The following RRM2 variants were observed in gnomAD, a reference collection of about 807,000 sequenced individuals.
RRM2 encodes the protein ribonucleoside-diphosphate reductase subunit M2.
In RRM2, 6 loss-of-function variants were observed where a neutral mutation model predicts 45.9. That is an observed-to-expected ratio of 0.13 (90% CI 0.07 to 0.26). The LOEUF is 0.26. Among genes scored for constraint, RRM2 ranks in the 10% least tolerant of loss-of-function variants. The pLI is 1.00. For synonymous variants in RRM2, 177 were observed against 173.0 expected (o/e 1.02, Z -0.18); for missense variants, 343 against 489.5 (o/e 0.70, Z 2.82).
At chr2:10,126,603 T>C (rs1048295592) in intron 5 of RRM2, 3 of 441,876 alleles carry the variant, frequency 6.8e-6, no homozygotes, top group African/African-American at 4.0e-5. Context: ...TACTGGACTA[T>C]GTTTTACTGT....
intron 3 of RRM2, among the ~76,000 whole-genome samples, chr2:10,177,028 C>T (rs1282824904): frequency 1.3e-5 from 2 of 152,058 alleles, no homozygotes; most frequent in African/African-American, 4.8e-5. Flanking sequence ...GGTGGATCAC[C>T]TGAGGTCAGG....
At chr2:10,175,851 C>T (rs541911841) in intron 3 of RRM2, among the ~76,000 whole-genome samples, 16 of 152,280 alleles carry the variant, frequency 1.1e-4, no homozygotes, top group African/African-American at 3.8e-4. Context: ...AGTGATCCAC[C>T]TGCCTCAGCC....
At chr2:10,123,266 C>A in intron 2 of RRM2, 121 bp from the exon 3 acceptor site, 1 of 1,349,358 alleles carries the variant, frequency 7.4e-7, no homozygotes, top group Non-Finnish European at 9.9e-7. Flanking sequence ...TGCGACGGGA[C>A]AGCCACGTTT....
upstream of RRM2, chr2:10,122,681 A>G (rs1321375500): frequency 2.6e-6 from 4 of 1,550,364 alleles, no homozygotes; most frequent in Admixed American, 7.8e-5. Context: ...AGCCAATGGG[A>G]AGGGCCGGGA....
intron 3 of RRM2, among the ~76,000 whole-genome samples, chr2:10,183,050 G>A (rs1329996319): frequency 2.6e-5 from 4 of 152,000 alleles, no homozygotes; most frequent in Admixed American, 6.6e-5. Context: ...ATGGTGGCGC[G>A]TACCCAGCTA....
At chr2:10,170,429 C>T (rs1220239241) in intron 3 of RRM2, among the ~76,000 whole-genome samples, 2 of 151,960 alleles carry the variant, frequency 1.3e-5, no homozygotes, top group Non-Finnish European at 2.9e-5. Flanking sequence ...GGCGCTGGAA[C>T]CAGGGGGGAA....
In RRM2 at chr2:10,123,953, T is replaced by A. The variant is rs1362345405; in HGVS notation, c.435+101T>A. Reference sequence around the variant, plus strand: ...TATGTTTTTCCATGCTGAGTGCATCTGTGTGTGTAAGCTGGGTTTTATATT... The same window carrying A: ...TATGTTTTTCCATGCTGAGTGCATCAGTGTGTGTAAGCTGGGTTTTATATT... On this transcript the variant is annotated intron_variant, in intron 4 of 9. Coordinates refer to ENST00000304567, the MANE Select transcript of RRM2 (RefSeq NM_001034.4). 55 of 735,406 alleles carry A rather than the reference T, an allele frequency of 7.5e-5. No individual in the cohort carries two copies. In the Middle Eastern group the frequency reaches 4.3e-3, roughly 57 times the overall value. The allele number at this position is 735,406 out of a possible 1,614,324, so 45.6% of individuals were successfully genotyped here. A position where few individuals can be genotyped will look rare whatever the true frequency, so the allele number is the denominator to read the frequency against.
At position 10,180,247 on chromosome 2, in the gene RRM2, C is replaced by T. The variant is rs141797777; in HGVS notation, n.483-30064C>T. 2.3e-3 allele frequency among the ~76,000 whole-genome samples: 349 copies of T among 152,334 alleles called. 4 individuals are homozygous for T. The highest frequency in any genetic ancestry group is 8.0e-3 in the African/African-American group (331 of 41,576). ...ACCTCTTCGTCCTGGGGGAAGCTGG[C>T]TTGGTCTGGTGAAGACTTGTTCACT... On this transcript the variant is annotated intron_variant and non_coding_transcript_variant, in intron 3 of 3. Transcript: ENST00000381786.
chr2:10,157,627 C>T (rs947581026), intron 3 of RRM2, among the ~76,000 whole-genome samples: 1 of 152,192 alleles, frequency 6.6e-6, no homozygotes, highest in East Asian at 1.9e-4. Flanking sequence ...CTTGACTCAA[C>T]ATTATGCTTG....
At chr2:10,151,401 G>C (rs1361078099) in intron 3 of RRM2, among the ~76,000 whole-genome samples, 1 of 150,786 alleles carries the variant, frequency 6.6e-6, no homozygotes. Flanking sequence ...TGGTTCAAGC[G>C]ATTCTCCTGC....
chr2:10,199,809 A>AAAAAG, intron 3 of RRM2, among the ~76,000 whole-genome samples: 1 of 150,644 alleles, frequency 6.6e-6, no homozygotes, highest in African/African-American at 2.5e-5. Flanking sequence ...AAAAAAAAAA[A>AAAAAG]CAAATCATGG....
chr2:10,123,838 G>T lies in RRM2; in HGVS notation c.421G>T (p.Val141Leu). 1 of 1,587,962 alleles carries T rather than the reference G, an allele frequency of 6.3e-7. No homozygotes were observed. Among genetic ancestry groups the T allele is most frequent in the South Asian group, 1.1e-5 (1 of 90,480 alleles). Residue 141 changes from valine (V) to leucine (L), a missense_variant, in exon 4 of 10, where the codon GTA becomes TTA. By Grantham distance (32) the Val-to-Leu change is conservative. Coordinates refer to ENST00000304567, the MANE Select transcript of RRM2 (RefSeq NM_001034.4). ...LAFFAASDGIVNENLVERFSQ... is the reference protein window; with the variant it reads ...LAFFAASDGILNENLVERFSQ... ...TTTCTTTGCAGCAAGCGATGGCATA[G>T]TAAATGAAAACTTGGTGAGTTTCCA...
chr2:10,184,091 TAAAAAAAA>T (rs60421650), intron 3 of RRM2, among the ~76,000 whole-genome samples: 717 of 30,666 alleles, frequency 0.023, 15 homozygotes, highest in African/African-American at 0.095. Flanking sequence ...AGACTCCATC[TAAAAAAAA>T]AAAAAAAAAA....
chr2:10,142,534 G>A (rs536597580), intron 3 of RRM2, among the ~76,000 whole-genome samples: 2 of 68,478 alleles, frequency 2.9e-5, no homozygotes, highest in South Asian at 6.6e-4. Flanking sequence ...GCCGTTCTAC[G>A]TGTGGCCAGG....
At chr2:10,164,673 T>A (rs528680619) in intron 3 of RRM2, among the ~76,000 whole-genome samples, 12 of 152,326 alleles carry the variant, frequency 7.9e-5, no homozygotes, top group African/African-American at 2.9e-4. Context: ...ATGCAGGGAC[T>A]AGGGGAGGGA....
upstream of RRM2, among the ~76,000 whole-genome samples, chr2:10,140,786 A>G (rs1309254249): frequency 2.6e-5 from 4 of 152,198 alleles, no homozygotes; most frequent in African/African-American, 4.8e-5. Flanking sequence ...GGTTGGGAGT[A>G]AGAGCAGTTT....
Position 10,127,154 on chromosome 2 carries a change from C to G in RRM2, c.732C>G (p.Phe244Leu). ...TTTCCGGTTCTTTTGCGTCGATATT[C>G]TGGCTCAAGAAACGAGGACTGATGC... ...IFFSGSFASIFWLKKRGLMPG... is the reference protein window; with the variant it reads ...IFFSGSFASILWLKKRGLMPG... Residue 244 changes from phenylalanine to leucine, a missense_variant, in exon 7 of 10, where the codon TTC becomes TTG. Physicochemically the swap from Phe to Leu is conservative, Grantham distance 22. Coordinates refer to ENST00000304567, the MANE Select transcript of RRM2 (RefSeq NM_001034.4). The surrounding 1 kb of genome is among the most constrained non-coding windows in gnomAD (Gnocchi z 4.1). 1 of 1,614,158 alleles carries G rather than the reference C, an allele frequency of 6.2e-7. No homozygotes were observed. Among genetic ancestry groups the G allele is most frequent in the Non-Finnish European group, 8.5e-7 (1 of 1,180,014 alleles).
In RRM2 at chr2:10,171,014, G is replaced by A. The variant is rs1663793582; in HGVS notation, n.482+28639G>A. Among the ~76,000 whole-genome samples, 1 of 152,248 alleles carries A rather than the reference G, an allele frequency of 6.6e-6. No homozygotes were observed. On this transcript the variant is annotated intron_variant and non_coding_transcript_variant, in intron 3 of 3. Transcript: ENST00000381786. The surrounding 1 kb of genome is among the most constrained non-coding windows in gnomAD (Gnocchi z 4.1). ...AGCTCCTTTGAGATGCGGGGCTCAG[G>A]CCTCATCAGGGGAAACGTGGGCATC...
downstream of RRM2, chr2:10,131,564 C>T (rs570168023): frequency 1.3e-5 from 2 of 152,110 alleles, no homozygotes; most frequent in Non-Finnish European, 2.9e-5. Flanking sequence ...CATGGTGACA[C>T]CCCATCTCTA....
Sources: gnomAD v4.1 joint callset for allele counts (sites outside exome capture counted in the v4.1 genomes callset) on GRCh38, gnomAD v4.1.1 for gene constraint, Gnocchi (gnomAD v3.1) non-coding constraint, MANE v1.5 for transcripts, NCBI Gene and HGNC (gene_info 2026-07-23, HGNC 2026-07-21) for gene names.